KYAT1: variants seen among roughly 807,000 people sequenced by gnomAD.
KYAT1 encodes the protein kynurenine--oxoglutarate transaminase 1.
Under a neutral mutation model 52.4 loss-of-function variants are expected in KYAT1, and 47 were observed. The ratio of observed to expected loss-of-function variants is 0.90; its 90% CI spans 0.71 to 1.14. The LOEUF (loss-of-function observed/expected upper bound fraction) is 1.14, where lower values mean the gene tolerates loss of function less well. Among genes scored for constraint, KYAT1 ranks in the 50% most tolerant of loss-of-function variants. The pLI, the probability that KYAT1 is intolerant of heterozygous loss-of-function variation, is 0.00. For synonymous variants in KYAT1, 212 were observed against 209.6 expected (o/e 1.01, Z -0.10); for missense variants, 480 against 557.9 (o/e 0.86, Z 1.41).
intron 3 of KYAT1, among the ~76,000 whole-genome samples, chr9:128,841,756 T>G (rs1832231146): frequency 6.6e-6 from 1 of 150,974 alleles, no homozygotes; most frequent in African/African-American, 2.4e-5. Flanking sequence ...CCAGCACTTT[T>G]GGAGGCCGAG....
chr9:128,838,056 T>G lies in KYAT1; in HGVS notation c.433A>C (p.Lys145Gln). ...AGGRPVFVSL[K>Q]PGPIQNGELG... ...CCTCTACCTAGCATCCTTACCGGCT[T>G]CAGGGACACAAACACAGGACGACCC... Residue 145 changes from lysine (K) to glutamine (Q), a missense_variant, in exon 5 of 13, where the codon AAG becomes CAG. Transcript: ENST00000302586. The G allele has an allele frequency of 6.2e-7, 1 of 1,614,078 alleles. No homozygotes were observed. Among genetic ancestry groups the G allele is most frequent in the South Asian group, 1.1e-5 (1 of 91,080 alleles).
At chr9:128,881,697 G>A (rs1193003447) in intron 1 of KYAT1, among the ~76,000 whole-genome samples, 200 bp downstream of exon 1, 2 of 152,206 alleles carry the variant, frequency 1.3e-5, no homozygotes, top group Admixed American at 6.5e-5. Context: ...ACCAGCCCCA[G>A]TGTCCGAGCG....
intron 2 of KYAT1, among the ~76,000 whole-genome samples, chr9:128,843,056 A>G (rs1379466169): frequency 6.6e-6 from 1 of 152,166 alleles, no homozygotes; most frequent in Non-Finnish European, 1.5e-5. Flanking sequence ...AATCCCAGCT[A>G]CTTGGAAGGC....
chr9:128,881,274 G>A (rs1838849445), intron 1 of KYAT1, among the ~76,000 whole-genome samples: 1 of 151,942 alleles, frequency 6.6e-6, no homozygotes, highest in Non-Finnish European at 1.5e-5. Flanking sequence ...GTAGAGATGA[G>A]GTTTCACCAA....
chr9:128,836,950 C>A, intron 6 of KYAT1, 28 bp from the exon 7 acceptor site: 1 of 1,604,112 alleles, frequency 6.2e-7, no homozygotes, highest in Non-Finnish European at 8.5e-7. Context: ...GAGCACAGAC[C>A]TGCAGCTGGG....
intron 1 of KYAT1, among the ~76,000 whole-genome samples, chr9:128,855,031 T>C (rs111794842): frequency 2.0e-5 from 3 of 152,308 alleles, no homozygotes; most frequent in African/African-American, 7.2e-5. Context: ...GGACTCTTCT[T>C]ATCAAAGATC....
chr9:128,854,277 ACTTTAAATTTT>A (rs1324367715), intron 1 of KYAT1, among the ~76,000 whole-genome samples: 2 of 150,356 alleles, frequency 1.3e-5, no homozygotes, highest in Admixed American at 1.3e-4. Flanking sequence ...AGCACTCTAT[ACTTTAAATTTT>A]TTTAACATTT....
At position 128,841,099 on chromosome 9, in the gene KYAT1, C is replaced by T. The variant is rs183870695; in HGVS notation, c.201+1555G>A. On this transcript the variant is annotated intron_variant, in intron 3 of 12. Coordinates refer to ENST00000302586, the MANE Select transcript of KYAT1 (RefSeq NM_004059.5). ...TAAAAAGAACGAGTGCGGTCGGGTG[C>T]GGTGGCTCACGCCTGTAATCCCAGC... is the stretch of plus-strand genomic sequence containing the variant. 3.3e-5 allele frequency among the ~76,000 whole-genome samples: 5 copies of T among 152,276 alleles called. No individual in the cohort carries two copies. The East Asian group carries it at 5.8e-4, about 18-fold the overall frequency.
intron 1 of KYAT1, among the ~76,000 whole-genome samples, chr9:128,875,506 G>A (rs1341105183): frequency 3.3e-5 from 5 of 151,876 alleles, no homozygotes; most frequent in Admixed American, 2.0e-4. Flanking sequence ...CCAGCTACTC[G>A]GGAGGCTGAG....
rs1417273845 is a variant in KYAT1 at position 128,842,818 on chromosome 9, G to A, written c.54-17C>T. The A allele has an allele frequency of 6.2e-6, 10 of 1,610,242 alleles. No homozygotes were observed. Among genetic ancestry groups the A allele is most frequent in the Admixed American group, 3.3e-5 (2 of 59,832 alleles). On this transcript the variant is annotated splice_polypyrimidine_tract_variant and intron_variant, in intron 2 of 12. Coordinates refer to ENST00000302586, the MANE Select transcript of KYAT1 (RefSeq NM_004059.5). ...AACTCCACCCTGGGTAACAAATGGA[G>A]AATCAGCACCAGCCCAGCCCTCCAT...
At chr9:128,850,859 G>T (rs1038278745) in intron 1 of KYAT1, among the ~76,000 whole-genome samples, 33 of 152,210 alleles carry the variant, frequency 2.2e-4, no homozygotes, top group Non-Finnish European at 7.4e-5. Flanking sequence ...CAGCAATGCT[G>T]CCTGCTATTC....
chr9:128,875,891 A>T (rs1366165925), intron 1 of KYAT1, among the ~76,000 whole-genome samples: 1 of 151,874 alleles, frequency 6.6e-6, no homozygotes, highest in Non-Finnish European at 1.5e-5. Context: ...GCAGTGGATG[A>T]CCCCTGGGCC....
intron 1 of KYAT1, among the ~76,000 whole-genome samples, chr9:128,864,709 A>G (rs1460876124): frequency 6.6e-6 from 1 of 151,950 alleles, no homozygotes; most frequent in Non-Finnish European, 1.5e-5. Context: ...CCCATGTTCA[A>G]GTGATTCTTG....
At chr9:128,861,055 A>C (rs1198062432) in intron 1 of KYAT1, among the ~76,000 whole-genome samples, 1 of 152,236 alleles carries the variant, frequency 6.6e-6, no homozygotes, top group East Asian at 1.9e-4. Context: ...CAATGGGAAC[A>C]ATAGACTTGC....
chr9:128,849,489 T>C (rs558078700), intron 1 of KYAT1, among the ~76,000 whole-genome samples: 2 of 150,828 alleles, frequency 1.3e-5, no homozygotes, highest in African/African-American at 2.4e-5. Context: ...CAACTAAATA[T>C]CCACATGTAA....
intron 1 of KYAT1, among the ~76,000 whole-genome samples, chr9:128,867,712 G>A (rs1341343056): frequency 6.6e-6 from 1 of 152,186 alleles, no homozygotes; most frequent in Admixed American, 6.5e-5. Context: ...GCAGTCTGAC[G>A]TGGAAAGATA....
intron 1 of KYAT1, among the ~76,000 whole-genome samples, chr9:128,871,928 C>A (rs1216015500): frequency 2.0e-5 from 3 of 150,274 alleles, no homozygotes; most frequent in Non-Finnish European, 4.4e-5. Flanking sequence ...GAGATCAAGA[C>A]CATCCTGGCC....
chr9:128,869,994 T>TC (rs1445845713), intron 1 of KYAT1, among the ~76,000 whole-genome samples: 1 of 151,950 alleles, frequency 6.6e-6, no homozygotes, highest in Non-Finnish European at 1.5e-5. Flanking sequence ...CCTCAGGTGA[T>TC]CCCCCCGCCT....
chr9:128,870,355 T>C (rs1488039916), intron 1 of KYAT1, among the ~76,000 whole-genome samples: 1 of 152,164 alleles, frequency 6.6e-6, no homozygotes, highest in Non-Finnish European at 1.5e-5. Context: ...CTCAAAAATA[T>C]ATTAAGTGAG....
Sources: allele counts gnomAD v4.1 joint callset (sites outside exome capture counted in the v4.1 genomes callset), GRCh38; gene constraint gnomAD v4.1.1; transcripts MANE v1.5; gene names NCBI Gene and HGNC (gene_info 2026-07-23, HGNC 2026-07-21).